TMEM231: variants seen among roughly 807,000 people sequenced by gnomAD.
The protein encoded by TMEM231 is transmembrane protein 231.
A neutral mutation model predicts 38.5 loss-of-function variants in TMEM231; 40 were observed. That is an observed-to-expected ratio of 1.04 (90% confidence interval 0.81 to 1.35). TMEM231 has a LOEUF of 1.35. Among genes scored for constraint, TMEM231 ranks in the 40% most tolerant of loss-of-function variants. The probability of loss-of-function intolerance (pLI) is 0.00; values close to 1 mark genes in which losing one functional copy is unlikely to be tolerated. For missense variants in TMEM231, 420 were observed against 416.9 expected (o/e 1.01, Z -0.07); for synonymous variants, 199 against 181.7 (o/e 1.10, Z -0.77).
intron 4 of TMEM231, among the ~76,000 whole-genome samples, chr16:75,544,055 T>C (rs755871341): frequency 9.9e-5 from 15 of 152,260 alleles, no homozygotes; most frequent in Non-Finnish European, 1.8e-4. Flanking sequence ...TTTCAAGATT[T>C]GAGCCTTTGG....
chr16:75,552,134 A>G (rs987519962), intron 2 of TMEM231, among the ~76,000 whole-genome samples: 5 of 152,154 alleles, frequency 3.3e-5, no homozygotes, highest in African/African-American at 1.2e-4. Context: ...TTGGTGATAC[A>G]GCATTAAAAG....
intron 6 of TMEM231, among the ~76,000 whole-genome samples, chr16:75,540,582 A>C (rs183386367): frequency 2.0e-5 from 3 of 152,072 alleles, no homozygotes; most frequent in Non-Finnish European, 4.4e-5. Context: ...AATTCCTAAG[A>C]CCCCAGTTAA....
At chr16:75,552,588 C>A (rs1181825520) in intron 2 of TMEM231, among the ~76,000 whole-genome samples, 2 of 152,184 alleles carry the variant, frequency 1.3e-5, no homozygotes. Context: ...TACTTGCTCT[C>A]CATTCAATTC....
At chr16:75,545,285 C>T in intron 4 of TMEM231, 67 bp downstream of exon 4, 1 of 1,557,366 alleles carries the variant, frequency 6.4e-7, no homozygotes, top group Non-Finnish European at 8.7e-7. Context: ...TCATTCCCCT[C>T]TTTAAAGAAC....
intron 2 of TMEM231, among the ~76,000 whole-genome samples, chr16:75,553,023 A>T (rs1166283533): frequency 6.6e-6 from 1 of 152,166 alleles, no homozygotes; most frequent in African/African-American, 2.4e-5. Flanking sequence ...TAGACTTCCA[A>T]AGCATTAAAC....
chr16:75,545,183 G>A (rs529503171), intron 4 of TMEM231, among the ~76,000 whole-genome samples, 169 bp downstream of exon 4: 14 of 151,764 alleles, frequency 9.2e-5, no homozygotes, highest in African/African-American at 2.9e-4. Context: ...TTCAAACTCC[G>A]GACCTCAAGT....
chr16:75,550,827 G>A (rs888553233), intron 2 of TMEM231, among the ~76,000 whole-genome samples: 9 of 150,120 alleles, frequency 6.0e-5, no homozygotes, highest in Non-Finnish European at 8.9e-5. Flanking sequence ...AGCAATTCTC[G>A]TGCCTCAGCC....
At chr16:75,556,260 C>G, upstream of TMEM231, 4 of 1,382,838 alleles carry the variant, frequency 2.9e-6, no homozygotes, top group Non-Finnish European at 3.7e-6. Flanking sequence ...TTTGGCTTCT[C>G]CTGGTTGCCA....
intron 2 of TMEM231, among the ~76,000 whole-genome samples, chr16:75,553,034 A>T (rs745989733): frequency 5.3e-5 from 8 of 152,188 alleles, no homozygotes; most frequent in Non-Finnish European, 8.8e-5. Flanking sequence ...AGCATTAAAC[A>T]TGTAGGGAGC....
Position 75,553,286 on chromosome 16 carries a change from T to C in TMEM231, c.309+2518A>G, listed in dbSNP as rs77329671. Among the ~76,000 whole-genome samples the C allele has an allele frequency of 7.1e-3, 1,088 of 152,258 alleles. 13 individuals are homozygous for C. Among genetic ancestry groups the C allele is most frequent in the African/African-American group, 0.025 (1,028 of 41,552 alleles). On this transcript the variant is annotated intron_variant, in intron 2 of 6. Transcript: ENST00000258173. The stretch of plus-strand genomic sequence containing the variant: ...CAATAAGGGCTAAGATTTTAAGATA[T>C]AGCATAAGAAATACTGAGTTCCAGT...
At chr16:75,551,843 T>A (rs2080765435) in intron 2 of TMEM231, among the ~76,000 whole-genome samples, 1 of 151,550 alleles carries the variant, frequency 6.6e-6, no homozygotes, top group Non-Finnish European at 1.5e-5. Flanking sequence ...CTGCCTGTAA[T>A]CCCAGCTACT....
rs1375577433 is a variant in TMEM231, at chr16:75,548,763, GGAGGCT to G, written c.310-2815_310-2810del. On this transcript the variant is annotated intron_variant, in intron 2 of 6. Coordinates refer to ENST00000258173, the MANE Select transcript of TMEM231 (RefSeq NM_001077418.3). Reference sequence around the variant, plus strand: ...GTGCACCTGTAATCCCAGCTACTAGGGAGGCTGAGGCAGGAGAATCGCTTGAACCCA... The same window carrying G: ...GTGCACCTGTAATCCCAGCTACTAGGGAGGCAGGAGAATCGCTTGAACCCA... Among the ~76,000 whole-genome samples the G allele has an allele frequency of 3.3e-5, 5 of 152,298 alleles. No homozygotes were observed. In the South Asian group the frequency reaches 8.3e-4, roughly 25 times the overall value.
chr16:75,556,272 C>T (rs2080811195), upstream of TMEM231: 1 of 1,386,696 alleles, frequency 7.2e-7, no homozygotes, highest in African/African-American at 1.5e-5. Flanking sequence ...TGGTTGCCAT[C>T]GCCTCGGTCT....
rs2080806265 is a variant in TMEM231, at chr16:75,555,987, G to A, written c.140-14C>T. ...TCAGCCAAAACCCTGAGTTAAAGAGGGCGGTAGGGAGGCGGTTAGGGAGGC... is the reference window on the plus strand; with the variant it reads ...TCAGCCAAAACCCTGAGTTAAAGAGAGCGGTAGGGAGGCGGTTAGGGAGGC... On this transcript the variant is annotated splice_polypyrimidine_tract_variant and intron_variant, in intron 1 of 6. Coordinates refer to ENST00000258173, the MANE Select transcript of TMEM231 (RefSeq NM_001077418.3). 1.3e-6 allele frequency: 2 copies of A among 1,597,196 alleles called. No individual in the cohort carries two copies. Among genetic ancestry groups the A allele is most frequent in the Non-Finnish European group, 1.7e-6 (2 of 1,171,946 alleles).
Position 75,541,396 on chromosome 16 carries a change from G to A in TMEM231, c.724C>T (p.Pro242Ser), listed in dbSNP as rs776025526. 2 of 1,612,088 alleles carry A rather than the reference G, an allele frequency of 1.2e-6. No homozygotes were observed. Among genetic ancestry groups the A allele is most frequent in the Non-Finnish European group, 1.7e-6 (2 of 1,178,920 alleles). Residue 242 changes from proline (P) to serine (S), a missense_variant, in exon 6 of 7, where the codon CCA becomes TCA. Physicochemically the swap from Pro to Ser is moderately conservative, Grantham distance 74 (BLOSUM62 -1). Coordinates refer to ENST00000258173, the MANE Select transcript of TMEM231 (RefSeq NM_001077418.3). The stretch of plus-strand genomic sequence containing the variant: ...CGGATGATAGCATTAATCACAAATG[G>A]AGCATCTGCGGCCCTGCCCACCAGC... ...IWLVGRAADA[P>S]FVINAIIRYP... is the part of the protein sequence containing the mutation.
In TMEM231 at chr16:75,540,206, G is replaced by C. The variant is rs373207445; in HGVS notation, c.771-32C>G. ...ACAGTTAAGGAGTGAAGGGCCACAT[G>C]GTGTTAAGTATGAAGAGAAAATCCA... On this transcript the variant is annotated intron_variant, in intron 6 of 6. Coordinates refer to ENST00000258173, the MANE Select transcript of TMEM231 (RefSeq NM_001077418.3). 12 of 1,583,578 alleles carry C rather than the reference G, an allele frequency of 7.6e-6. No homozygotes were observed. The East Asian group carries it at 2.5e-4, about 33-fold the overall frequency.
chr16:75,540,865 T>C (rs565834095), intron 6 of TMEM231, among the ~76,000 whole-genome samples: 4 of 152,338 alleles, frequency 2.6e-5, no homozygotes, highest in African/African-American at 2.4e-5. Context: ...TTCTGAGACA[T>C]GTAGCCTAAG....
chr16:75,548,737 C>T lies in TMEM231; in HGVS notation c.310-2783G>A, dbSNP rs890556852. Among the ~76,000 whole-genome samples, 14 of 152,046 alleles carry T rather than the reference C, an allele frequency of 9.2e-5. No homozygotes were observed. The East Asian group carries it at 1.2e-3, about 13-fold the overall frequency. On this transcript the variant is annotated intron_variant, in intron 2 of 6. Coordinates refer to ENST00000258173, the MANE Select transcript of TMEM231 (RefSeq NM_001077418.3). ...TACAAAAATTAGCTAGGCATGGTGG[C>T]GTGCACCTGTAATCCCAGCTACTAG...
At position 75,538,808 on chromosome 16, in the gene TMEM231, A is replaced by T. The variant is rs948092948; in HGVS notation, c.*1186T>A. 3.3e-5 allele frequency: 5 copies of T among 152,252 alleles called. No individual in the cohort carries two copies. Among genetic ancestry groups the T allele is most frequent in the Non-Finnish European group, 5.9e-5 (4 of 68,092 alleles). 9.4% of individuals were successfully genotyped at this position (152,252 alleles called of 1,614,324 possible). On this transcript the variant is annotated 3_prime_UTR_variant, in exon 7 of 7. Coordinates refer to ENST00000258173, the MANE Select transcript of TMEM231 (RefSeq NM_001077418.3). Reference sequence around the variant, plus strand: ...AGGAGGTGAATGGGCTGAACAAGCCATCTTCCGTGTGCAGAGGCCCCTTCC... The same window carrying T: ...AGGAGGTGAATGGGCTGAACAAGCCTTCTTCCGTGTGCAGAGGCCCCTTCC...
Sources: gnomAD v4.1 joint callset for allele counts (sites outside exome capture counted in the v4.1 genomes callset) on GRCh38, gnomAD v4.1.1 for gene constraint, MANE v1.5 for transcripts, NCBI Gene and HGNC (gene_info 2026-07-23, HGNC 2026-07-21) for gene names.